The following GNAT3 variants were observed in gnomAD, a reference collection of about 807,000 sequenced individuals.
GNAT3 encodes the protein G protein subunit alpha transducin 3.
In GNAT3, 31 loss-of-function variants were observed where a neutral mutation model predicts 37.7. The observed-to-expected ratio is 0.82, with a 90% CI of 0.62 to 1.11. GNAT3 has a LOEUF of 1.11. Ranked by LOEUF, GNAT3 falls within the 50% of genes most tolerant of loss-of-function variation. The pLI, the probability that GNAT3 is intolerant of heterozygous loss-of-function variation, is 0.00. For synonymous variants in GNAT3, 138 were observed against 139.8 expected (o/e 0.99, Z 0.09); for missense variants, 437 against 412.5 (o/e 1.06, Z -0.51).
At chr7:80,460,780 A>T (rs1260157763) in intron 7 of GNAT3, among the ~76,000 whole-genome samples, 1 of 152,048 alleles carries the variant, frequency 6.6e-6, no homozygotes, top group Non-Finnish European at 1.5e-5. Context: ...TTAGTTAATA[A>T]TGTAAAATGT....
intron 3 of GNAT3, 94 bp from the exon 4 acceptor site, chr7:80,479,092 T>C (rs1790349519): frequency 1.1e-6 from 1 of 902,054 alleles, no homozygotes; most frequent in South Asian, 2.2e-5. Flanking sequence ...ATTTTAATCT[T>C]ATTCTTTTAG....
chr7:80,473,691 A>C (rs1057127132), intron 5 of GNAT3, among the ~76,000 whole-genome samples: 3 of 152,136 alleles, frequency 2.0e-5, no homozygotes, highest in African/African-American at 7.2e-5. Context: ...GTGATTTTGC[A>C]GTAGAATTTC....
intron 2 of GNAT3, among the ~76,000 whole-genome samples, chr7:80,492,197 A>G (rs1584188395): frequency 1.5e-5 from 2 of 136,790 alleles, no homozygotes; most frequent in Admixed American, 7.4e-5. Context: ...AAAAAAAATT[A>G]GCTGGGCATG....
chr7:80,498,361 C>G (rs1473716504), intron 1 of GNAT3, among the ~76,000 whole-genome samples: 1 of 152,004 alleles, frequency 6.6e-6, no homozygotes, highest in Non-Finnish European at 1.5e-5. Context: ...TTAAATGAAA[C>G]TACATATTAA....
At chr7:80,486,618 TTCTTTTTCTTTTC>T (rs1790488076) in intron 3 of GNAT3, 1 of 149,064 alleles carries the variant, frequency 6.7e-6, no homozygotes, top group African/African-American at 2.5e-5. Flanking sequence ...CTATTTTTTT[TTCTTTTTCTTTTC>T]CTTTTTTTTT....
Position 80,458,871 on chromosome 7 carries a change from C to T in GNAT3, c.875-10G>A. On this transcript the variant is annotated splice_polypyrimidine_tract_variant and intron_variant, in intron 7 of 7. Transcript: ENST00000398291. ...TCAAATGTATTTGGCCCTTGTTAAA[C>T]AAAATATTTGAAGAAGTAAAGATTA... The T allele has an allele frequency of 1.3e-6, 2 of 1,524,460 alleles. No homozygotes were observed. The highest frequency in any genetic ancestry group is 1.7e-4 in the Middle Eastern group (1 of 5,824). The allele number at this position is 1,524,460 out of a possible 1,614,324, so 94.4% of individuals were successfully genotyped here.
chr7:80,488,250 T>G (rs1790526237), intron 3 of GNAT3, among the ~76,000 whole-genome samples: 1 of 152,170 alleles, frequency 6.6e-6, no homozygotes. Flanking sequence ...CTTTTGTATT[T>G]AGCAATCACA....
chr7:80,469,670 A>G (rs1208495151), intron 5 of GNAT3, among the ~76,000 whole-genome samples: 1 of 152,154 alleles, frequency 6.6e-6, no homozygotes, highest in Non-Finnish European at 1.5e-5. Flanking sequence ...TTTGGTTTTA[A>G]ATAGTCATAA....
At chr7:80,504,443 A>G (rs1390437584) in intron 1 of GNAT3, among the ~76,000 whole-genome samples, 1 of 152,230 alleles carries the variant, frequency 6.6e-6, no homozygotes. Context: ...GAAAGAGACT[A>G]AACAGGATAA....
intron 3 of GNAT3, among the ~76,000 whole-genome samples, chr7:80,483,035 T>C (rs185248092): frequency 2.6e-4 from 39 of 152,140 alleles, no homozygotes; most frequent in African/African-American, 8.7e-4. Context: ...TGTGCGTGCA[T>C]AGTTGGAGCC....
chr7:80,504,524 A>G (rs1790897123), intron 1 of GNAT3, among the ~76,000 whole-genome samples: 2 of 152,234 alleles, frequency 1.3e-5, no homozygotes, highest in African/African-American at 4.8e-5. Context: ...AAAGATATCT[A>G]TATAAGGTGA....
chr7:80,497,810 A>C (rs554779845), intron 1 of GNAT3, among the ~76,000 whole-genome samples: 14 of 152,056 alleles, frequency 9.2e-5, no homozygotes, highest in Middle Eastern at 3.4e-3. Context: ...AAAGTATTCA[A>C]CTAGAAATGA....
intron 3 of GNAT3, among the ~76,000 whole-genome samples, chr7:80,487,483 G>A (rs1562727589): frequency 6.6e-6 from 1 of 151,994 alleles, no homozygotes; most frequent in Non-Finnish European, 1.5e-5. Context: ...GGAAAAAGGG[G>A]GATTTCCCCT....
At chr7:80,495,377 C>T (rs1047145184) in intron 1 of GNAT3, among the ~76,000 whole-genome samples, 4 of 151,938 alleles carry the variant, frequency 2.6e-5, no homozygotes, top group African/African-American at 9.7e-5. Flanking sequence ...TTCTCTACAT[C>T]GCTGCCAGTA....
chr7:80,499,842 T>C (rs1790800076), intron 1 of GNAT3, among the ~76,000 whole-genome samples: 1 of 152,150 alleles, frequency 6.6e-6, no homozygotes, highest in Non-Finnish European at 1.5e-5. Context: ...TGAAAGTCAG[T>C]TTCCTCTATT....
chr7:80,464,785 T>C (rs1790105907), intron 5 of GNAT3, among the ~76,000 whole-genome samples: 2 of 152,040 alleles, frequency 1.3e-5, no homozygotes, highest in Non-Finnish European at 2.9e-5. Flanking sequence ...ATTTCACATA[T>C]GAACCAAGTA....
chr7:80,511,788 G>A (rs756104908), intron 1 of GNAT3, 21 bp downstream of exon 1: 2 of 1,514,188 alleles, frequency 1.3e-6, no homozygotes, highest in Non-Finnish European at 1.8e-6. Flanking sequence ...GTTTTTGAAA[G>A]CAAAAGGGAA....
chr7:80,492,422 T>G (rs184519049), intron 2 of GNAT3, among the ~76,000 whole-genome samples: 1 of 151,912 alleles, frequency 6.6e-6, no homozygotes, highest in East Asian at 1.9e-4. Context: ...GTTTTTTTAG[T>G]AAACATAGCA....
rs1343944983 is a variant in GNAT3, at chr7:80,458,865, G to C, written c.875-4C>G. 6.5e-7 allele frequency: 1 copy of C among 1,541,134 alleles called. No homozygotes were observed. The highest frequency in any genetic ancestry group is 1.2e-5 in the South Asian group (1 of 80,846). On this transcript the variant is annotated splice_region_variant and splice_polypyrimidine_tract_variant and intron_variant, in intron 7 of 7. Coordinates refer to ENST00000398291, the MANE Select transcript of GNAT3 (RefSeq NM_001102386.3). ...GCATCTTCAAATGTATTTGGCCCTT[G>C]TTAAACAAAATATTTGAAGAAGTAA...
Sources: allele counts gnomAD v4.1 joint callset (sites outside exome capture counted in the v4.1 genomes callset), GRCh38; gene constraint gnomAD v4.1.1; transcripts MANE v1.5; gene names NCBI Gene and HGNC (gene_info 2026-07-23, HGNC 2026-07-21).